GAA: variants seen among roughly 807,000 people sequenced by gnomAD.
GAA encodes lysosomal alpha-glucosidase.
GAA carries 88 observed loss-of-function variants against 103.9 expected under a neutral mutation model. The observed-to-expected ratio is 0.85, with a 90% CI of 0.71 to 1.01. The LOEUF is 1.01. Ranked by LOEUF, GAA falls within the 50% of genes least tolerant of loss-of-function variation. GAA has a pLI of 0.00. For synonymous variants in GAA, 572 were observed against 563.1 expected (o/e 1.02, Z -0.22); for missense variants, 1,350 against 1,305.3 (o/e 1.03, Z -0.53).
rs1294428728 is a variant in GAA, at chr17:80,112,900, G to T, written c.1913G>T (p.Gly638Val). ...GAAATCCTGCAGTTTAACCTGCTGGGGGTGCCTCTGGTCGGGGCCGACGTC... is the reference window on the plus strand; with the variant it reads ...GAAATCCTGCAGTTTAACCTGCTGGTGGTGCCTCTGGTCGGGGCCGACGTC... ...VPEILQFNLL[G>V]VPLVGADVCG... The change falls in exon 14 of 20, where the codon GGG (glycine) becomes GTG (valine). Residue 638 changes from glycine to valine, a missense_variant. Transcript: ENST00000302262. The T allele has an allele frequency of 2.5e-6, 4 of 1,610,300 alleles. No individual in the cohort carries two copies. Among genetic ancestry groups the T allele is most frequent in the Non-Finnish European group, 3.4e-6 (4 of 1,178,708 alleles).
rs1350300902 is a variant in GAA, at chr17:80,117,974, TTCTGCCGGGCCCGGCC to T, written c.2482-216_2482-201del. Among the ~76,000 whole-genome samples, 4 of 151,948 alleles carry T rather than the reference TTCTGCCGGGCCCGGCC, an allele frequency of 2.6e-5. No individual in the cohort carries two copies. In the East Asian group the frequency reaches 7.8e-4, roughly 29 times the overall value. Reference sequence around the variant, plus strand: ...AGCTCAGTGGTCTGCATGGTGGAGGTTCTGCCGGGCCCGGCCTCGGGCAGCCGTGGGATAGCACTTG... The same window carrying T: ...AGCTCAGTGGTCTGCATGGTGGAGGTTCGGGCAGCCGTGGGATAGCACTTG... On this transcript the variant is annotated intron_variant, in intron 17 of 19. Coordinates refer to ENST00000302262, the MANE Select transcript of GAA (RefSeq NM_000152.5).
rs1464606671 is a variant in GAA, at chr17:80,111,697, G to A, written c.1637-286G>A. 1.8e-5 allele frequency: 9 copies of A among 495,104 alleles called. No homozygotes were observed. In the East Asian group the frequency reaches 3.0e-4, roughly 17 times the overall value. The allele number at this position is 495,104 out of a possible 1,614,324, so 30.7% of individuals were successfully genotyped here. On this transcript the variant is annotated intron_variant, in intron 11 of 19. Transcript: ENST00000302262. The stretch of plus-strand genomic sequence containing the variant: ...TGGGCTTAGGTAAACAGGCAGGGGA[G>A]TGCTTGAAATGGGCCAAGAGACGGT...
rs1430436156 is a variant in GAA, at chr17:80,107,692, C to A, written c.828C>A (p.Ile276=). The A allele has an allele frequency of 6.2e-7, 1 of 1,612,680 alleles. No individual in the cohort carries two copies. Among genetic ancestry groups the A allele is most frequent in the East Asian group, 2.2e-5 (1 of 44,822 alleles). ...PLMLSTSWTR[I]TLWNRDLAPT... is the part of the protein sequence containing the mutation. Reference sequence around the variant, plus strand: ...TGCTCAGCACCAGCTGGACCAGGATCACCCTGTGGAACCGGGACCTTGCGC... The same window carrying A: ...TGCTCAGCACCAGCTGGACCAGGATAACCCTGTGGAACCGGGACCTTGCGC... The change falls in exon 4 of 20, where the codon ATC becomes ATA. Residue 276 remains isoleucine, a synonymous_variant. Transcript: ENST00000302262.
chr17:80,111,053 G>T lies in GAA; in HGVS notation c.1636+28G>T, dbSNP rs375622658. ...CAGCTCGCCCCCCACCTACCCTGGG[G>T]ACTTAATCAAATCAGAGACTCCCTT... On this transcript the variant is annotated intron_variant, in intron 11 of 19. Transcript: ENST00000302262. 291 of 1,606,390 alleles carry T rather than the reference G, an allele frequency of 1.8e-4. No individual in the cohort carries two copies. The highest frequency in any genetic ancestry group is 3.7e-5 in the Non-Finnish European group (43 of 1,174,896).
At chr17:80,108,248 T>C (rs372714540) in intron 5 of GAA, 42 bp from the exon 6 acceptor site, 14 of 1,613,126 alleles carry the variant, frequency 8.7e-6, no homozygotes, top group Non-Finnish European at 1.1e-5. Flanking sequence ...GCCCTCCAAG[T>C]GAAGAATCTG....
intron 5 of GAA, 54 bp from the exon 6 acceptor site, chr17:80,108,236 G>C (rs868423260): frequency 1.9e-5 from 30 of 1,612,842 alleles, no homozygotes; most frequent in Non-Finnish European, 2.4e-5. Context: ...GTGGGGTGCA[G>C]AGCCCTCCAA....
chr17:80,107,844 G>A lies in GAA; in HGVS notation c.903G>A (p.Leu301=), dbSNP rs1447252710. The change falls in exon 5 of 20, where the codon CTG becomes CTA. Residue 301 remains leucine (L), a synonymous_variant. Coordinates refer to ENST00000302262, the MANE Select transcript of GAA (RefSeq NM_000152.5). ...LYGSHPFYLA[L]EDGGSAHGVF... ...GGTCTCACCCTTTCTACCTGGCGCT[G>A]GAGGACGGCGGGTCGGCACACGGGG... 2.5e-6 allele frequency: 4 copies of A among 1,612,234 alleles called. No individual in the cohort carries two copies. Among genetic ancestry groups the A allele is most frequent in the East Asian group, 2.2e-5 (1 of 44,850 alleles).
Position 80,112,590 on chromosome 17 carries a change from G to A in GAA, c.1767G>A (p.Lys589=). The change falls in exon 13 of 20, where the codon AAG becomes AAA. Residue 589 remains lysine (K), a synonymous_variant. Transcript: ENST00000302262. ...CCCACCACCCCAGGGCGCTGGTGAA[G>A]GCTCGGGGGACACGCCCATTTGTGA... ...EAIASHRALV[K]ARGTRPFVIS... is the part of the protein sequence containing the mutation. The A allele has an allele frequency of 6.2e-7, 1 of 1,613,018 alleles. No individual in the cohort carries two copies. The highest frequency in any genetic ancestry group is 8.5e-7 in the Non-Finnish European group (1 of 1,179,976).
At chr17:80,110,333 C>T (rs529571271) in intron 9 of GAA, among the ~76,000 whole-genome samples, 1 of 152,332 alleles carries the variant, frequency 6.6e-6, no homozygotes, top group African/African-American at 2.4e-5. Context: ...CCTCCTTGTC[C>T]TCCCAGCCCC....
chr17:80,118,855 AG>A (rs781730067), intron 19 of GAA, 50 bp downstream of exon 19: 31 of 1,600,902 alleles, frequency 1.9e-5, no homozygotes, highest in Non-Finnish European at 2.6e-5. Context: ...GCCGTGGTGC[AG>A]GGGGCAGAAG....
At chr17:80,113,546 C>T (rs1027009138) in intron 15 of GAA, among the ~76,000 whole-genome samples, 180 bp downstream of exon 15, 1 of 152,188 alleles carries the variant, frequency 6.6e-6, no homozygotes, top group Non-Finnish European at 1.5e-5. Context: ...CAGTAATATC[C>T]CCCAGACAGG....
chr17:80,109,795 G>A lies in GAA; in HGVS notation c.1327-150G>A, dbSNP rs572935077. On this transcript the variant is annotated intron_variant, in intron 8 of 19. Coordinates refer to ENST00000302262, the MANE Select transcript of GAA (RefSeq NM_000152.5). ...GGCCCTGGCTCCTCTCCAGGCAGGC[G>A]TGTGCAGGCATGTGCAGGTACACAG... The A allele has an allele frequency of 5.4e-4, 323 of 603,420 alleles. 4 individuals are homozygous for A. The South Asian group carries it at 5.8e-3, about 11-fold the overall frequency. The allele number at this position is 603,420 out of a possible 1,614,324, so 37.4% of individuals were successfully genotyped here.
rs1248340348 is a variant in GAA at position 80,119,630 on chromosome 17, G to T, written c.*299G>T. The T allele has an allele frequency of 2.4e-6, 1 of 408,612 alleles. No individual in the cohort carries two copies. The highest frequency in any genetic ancestry group is 4.7e-6 in the Non-Finnish European group (1 of 214,744). 25.3% of individuals were successfully genotyped at this position (408,612 alleles called of 1,614,324 possible). ...CTCACCTGTTGCCGGCATGCGGGTA[G>T]TATTAGCCACCCCCCTCCATCTGTT... is the stretch of plus-strand genomic sequence containing the variant. On this transcript the variant is annotated 3_prime_UTR_variant, in exon 20 of 20. Coordinates refer to ENST00000302262, the MANE Select transcript of GAA (RefSeq NM_000152.5).
At chr17:80,109,795 GTGTGCAGGCA>G (rs1160194761) in intron 8 of GAA, 140 bp from the exon 9 acceptor site, 2 of 603,428 alleles carry the variant, frequency 3.3e-6, no homozygotes, top group Admixed American at 2.9e-5. Context: ...CCAGGCAGGC[GTGTGCAGGCA>G]TGTGCAGGTA....
chr17:80,107,841 G>T lies in GAA; in HGVS notation c.900G>T (p.Ala300=), dbSNP rs759425304. The T allele has an allele frequency of 4.3e-6, 7 of 1,612,188 alleles. No homozygotes were observed. Among genetic ancestry groups the T allele is most frequent in the East Asian group, 2.2e-5 (1 of 44,850 alleles). The change falls in exon 5 of 20, where the codon GCG becomes GCT. Residue 300 remains alanine, a synonymous_variant. Coordinates refer to ENST00000302262, the MANE Select transcript of GAA (RefSeq NM_000152.5). The part of the protein sequence containing the change: ...NLYGSHPFYL[A]LEDGGSAHGV... ...ACGGGTCTCACCCTTTCTACCTGGC[G>T]CTGGAGGACGGCGGGTCGGCACACG...
rs372786811 is a variant in GAA at position 80,110,010 on chromosome 17, G to C, written c.1392G>C (p.Arg464Ser). 237 of 1,613,246 alleles carry C rather than the reference G, an allele frequency of 1.5e-4. No homozygotes were observed. Among genetic ancestry groups the C allele is most frequent in the Non-Finnish European group, 1.9e-4 (219 of 1,179,922 alleles). ...SYRPYDEGLR[R>S]GVFITNETGQ... Reference sequence around the variant, plus strand: ...GGCCCTACGACGAGGGTCTGCGGAGGGGGGTTTTCATCACCAACGAGACCG... The same window carrying C: ...GGCCCTACGACGAGGGTCTGCGGAGCGGGGTTTTCATCACCAACGAGACCG... Residue 464 changes from arginine (R) to serine (S), a missense_variant, in exon 9 of 20, where the codon AGG becomes AGC. Arg to Ser is a moderately radical substitution (Grantham distance 110). Coordinates refer to ENST00000302262, the MANE Select transcript of GAA (RefSeq NM_000152.5).
intron 15 of GAA, 97 bp from the exon 16 acceptor site, chr17:80,116,871 A>G (rs1402881297): frequency 2.2e-6 from 3 of 1,392,924 alleles, no homozygotes; most frequent in Non-Finnish European, 3.0e-6. Flanking sequence ...TCCAGAGAGC[A>G]GAATTCAGCC....
In GAA at chr17:80,104,363, G is replaced by A. The variant is rs1328044981; in HGVS notation, c.-32-192G>A. Among the ~76,000 whole-genome samples the A allele has an allele frequency of 6.6e-6, 1 of 152,172 alleles. No homozygotes were observed. The highest frequency in any genetic ancestry group is 1.5e-5 in the Non-Finnish European group (1 of 68,016). ...TGCAAGTGCTCTGCACTCCCCTGCT[G>A]GAGCTTTTCTCGCCCTTCCTTCTGG... On this transcript the variant is annotated intron_variant, in intron 1 of 19. Coordinates refer to ENST00000302262, the MANE Select transcript of GAA (RefSeq NM_000152.5). This position sits in a 1 kb window ranked among gnomAD's most constrained non-coding sequence, Gnocchi z 4.0.
intron 9 of GAA, 119 bp from the exon 10 acceptor site, chr17:80,110,608 C>T: frequency 1.2e-6 from 1 of 806,616 alleles, no homozygotes. Context: ...CTCAGATTTG[C>T]AAATGTGGGC....
Sources: allele counts gnomAD v4.1 joint callset (sites outside exome capture counted in the v4.1 genomes callset), GRCh38; gene constraint gnomAD v4.1.1; non-coding constraint Gnocchi (gnomAD v3.1); transcripts MANE v1.5; gene names NCBI Gene and HGNC (gene_info 2026-07-23, HGNC 2026-07-21).